Variants in WASHC4 observed in about 807,000 individuals in gnomAD.
WASHC4 encodes WASH complex subunit 7.
A neutral mutation model predicts 166.6 loss-of-function variants in WASHC4; 86 were observed. That is an observed-to-expected ratio of 0.52 (90% CI 0.43 to 0.62). The LOEUF is 0.62. WASHC4 is among the 20% of genes least tolerant of loss of function. The probability of loss-of-function intolerance (pLI) is 0.00; values close to 1 mark genes in which losing one functional copy is unlikely to be tolerated. For synonymous variants in WASHC4, 446 were observed against 451.6 expected (o/e 0.99, Z 0.16); for missense variants, 1,262 against 1,382.4 (o/e 0.91, Z 1.38).
intron 13 of WASHC4, among the ~76,000 whole-genome samples, chr12:105,129,510 T>C (rs2135759363): frequency 6.6e-6 from 1 of 152,362 alleles, no homozygotes; most frequent in East Asian, 1.9e-4. Context: ...AACCCAGGTA[T>C]ATTCCATGGA....
intron 26 of WASHC4, 71 bp downstream of exon 26, chr12:105,152,522 C>T: frequency 1.1e-6 from 1 of 883,306 alleles, no homozygotes; most frequent in Non-Finnish European, 1.9e-6. Flanking sequence ...TTAACTATTT[C>T]ACACTAATAA....
At chr12:105,133,920 A>G (rs765609023) in intron 14 of WASHC4, 24 bp downstream of exon 14, 2 of 1,605,840 alleles carry the variant, frequency 1.2e-6, no homozygotes, top group Non-Finnish European at 1.7e-6. Context: ...ATTTCGGGGA[A>G]TCATTTTTTT....
At chr12:105,156,001 G>A (rs1159042375) in intron 26 of WASHC4, among the ~76,000 whole-genome samples, 2 of 152,180 alleles carry the variant, frequency 1.3e-5, no homozygotes, top group Non-Finnish European at 2.9e-5. Context: ...GCCAAGAGCT[G>A]GTGATGGATT....
At position 105,168,613 on chromosome 12, in the gene WASHC4, GTAAAT is replaced by G. The variant is rs1884928323; in HGVS notation, c.*1686_*1690del. On this transcript the variant is annotated 3_prime_UTR_variant, in exon 33 of 33. Coordinates refer to ENST00000332180, the MANE Select transcript of WASHC4 (RefSeq NM_015275.3). ...TTCTGTGTTCATTATCCCTACACATGTAAATTAATTATTTTATCAATACTAGATAG... is the reference window on the plus strand; with the variant it reads ...TTCTGTGTTCATTATCCCTACACATGTAATTATTTTATCAATACTAGATAG... 6.6e-6 allele frequency: 1 copy of G among 151,928 alleles called. No homozygotes were observed. Among genetic ancestry groups the G allele is most frequent in the Admixed American group, 6.6e-5 (1 of 15,246 alleles). The allele number at this position is 151,928 out of a possible 1,614,324, so 9.4% of individuals were successfully genotyped here. A position where few individuals can be genotyped will look rare whatever the true frequency, so the allele number is the denominator to read the frequency against.
intron 30 of WASHC4, among the ~76,000 whole-genome samples, chr12:105,163,079 C>G (rs575225998): frequency 1.3e-5 from 2 of 152,180 alleles, no homozygotes; most frequent in African/African-American, 2.4e-5. Flanking sequence ...GCCTCAGCCT[C>G]CCGAGTAGCT....
intron 6 of WASHC4, among the ~76,000 whole-genome samples, chr12:105,116,798 C>G (rs757227961): frequency 6.6e-6 from 1 of 152,050 alleles, no homozygotes; most frequent in Non-Finnish European, 1.5e-5. Context: ...AGTTGGAGGA[C>G]AAAGAAAATA....
intron 26 of WASHC4, among the ~76,000 whole-genome samples, chr12:105,154,407 A>C (rs1156675528): frequency 6.6e-6 from 1 of 152,194 alleles, no homozygotes; most frequent in Non-Finnish European, 1.5e-5. Flanking sequence ...AAAAGGTGTA[A>C]AGAATCTGGG....
intron 10 of WASHC4, among the ~76,000 whole-genome samples, chr12:105,122,596 A>G (rs751951242): frequency 1.6e-4 from 24 of 151,924 alleles, no homozygotes; most frequent in Non-Finnish European, 2.9e-4. Context: ...GTTTGTGGCA[A>G]TCCTGCATCA....
At position 105,114,443 on chromosome 12, in the gene WASHC4, CT is replaced by C; in HGVS notation, c.321+18del. 1 of 1,518,404 alleles carries C rather than the reference CT, an allele frequency of 6.6e-7. No individual in the cohort carries two copies. The highest frequency in any genetic ancestry group is 9.0e-7 in the Non-Finnish European group (1 of 1,108,498). 94.1% of individuals were successfully genotyped at this position (1,518,404 alleles called of 1,614,324 possible). ...AAAATATGAGGTAATTATTTGAATT[CT>C]TGTCTTAAAACTTTAAAAACATCAT... On this transcript the variant is annotated intron_variant, in intron 4 of 32. Transcript: ENST00000332180.
intron 21 of WASHC4, 37 bp downstream of exon 21, chr12:105,144,492 C>CTTTT: frequency 7.5e-6 from 10 of 1,338,700 alleles, no homozygotes; most frequent in African/African-American, 3.2e-5. Flanking sequence ...GTCATATTCT[C>CTTTT]TTTTTTTTTT....
At chr12:105,164,394 A>C (rs1263145825) in intron 31 of WASHC4, 87 bp downstream of exon 31, 1 of 1,161,576 alleles carries the variant, frequency 8.6e-7, no homozygotes, top group Non-Finnish European at 1.3e-6. Context: ...GAAGCCATAT[A>C]GAAACTACCA....
At position 105,133,771 on chromosome 12, in the gene WASHC4, G is replaced by A; in HGVS notation, c.1201G>A (p.Asp401Asn). 1 of 1,612,052 alleles carries A rather than the reference G, an allele frequency of 6.2e-7. No individual in the cohort carries two copies. The highest frequency in any genetic ancestry group is 8.5e-7 in the Non-Finnish European group (1 of 1,178,644). ...AACCCCAATATTTTCCTTTGTTAGA[G>A]ATGTACAGTCTTACTACGTCTTTGT... is the stretch of plus-strand genomic sequence containing the variant. ...LQQKAQSLTKDVQSYYVFVSS... is the reference protein window; with the variant it reads ...LQQKAQSLTKNVQSYYVFVSS... The change falls in exon 14 of 33, where the codon GAT becomes AAT. Residue 401 changes from aspartate to asparagine, a missense_variant and splice_region_variant. Coordinates refer to ENST00000332180, the MANE Select transcript of WASHC4 (RefSeq NM_015275.3).
chr12:105,146,548 T>TC, intron 23 of WASHC4, 22 bp downstream of exon 23: 1 of 1,486,174 alleles, frequency 6.7e-7, no homozygotes, highest in Non-Finnish European at 9.4e-7. Flanking sequence ...TTATAAATTT[T>TC]TTTTTTTTAA....
intron 14 of WASHC4, among the ~76,000 whole-genome samples, chr12:105,134,963 A>G (rs906764309): frequency 1.3e-5 from 2 of 151,108 alleles, no homozygotes; most frequent in African/African-American, 4.9e-5. Context: ...TTAATTCTAT[A>G]TTATTTTATT....
intron 6 of WASHC4, 58 bp from the exon 7 acceptor site, chr12:105,118,388 A>T (rs1367457192): frequency 8.2e-7 from 1 of 1,218,638 alleles, no homozygotes; most frequent in African/African-American, 1.5e-5. Flanking sequence ...AAAATTCAGT[A>T]AAAAATGGTG....
At chr12:105,158,450 C>T (rs540840168) in intron 28 of WASHC4, among the ~76,000 whole-genome samples, 2 of 152,238 alleles carry the variant, frequency 1.3e-5, no homozygotes, top group East Asian at 3.9e-4. Context: ...AGTTTGTATT[C>T]TTGCCAGAAA....
At chr12:105,140,146 C>T (rs541017578) in intron 15 of WASHC4, 148 bp from the exon 16 acceptor site, 258 of 635,290 alleles carry the variant, frequency 4.1e-4, no homozygotes, top group South Asian at 3.2e-3. Flanking sequence ...GCTGGGATTA[C>T]AGGCGTGAGC....
chr12:105,118,875 CT>C (rs1187187283), intron 7 of WASHC4, among the ~76,000 whole-genome samples: 1 of 152,136 alleles, frequency 6.6e-6, no homozygotes, highest in Non-Finnish European at 1.5e-5. Flanking sequence ...TCACTTGAGA[CT>C]TTTCTTAGAC....
chr12:105,144,492 CTTTTTTT>C, intron 21 of WASHC4, 37 bp downstream of exon 21: 2 of 1,338,738 alleles, frequency 1.5e-6, no homozygotes, highest in South Asian at 1.3e-5. Flanking sequence ...GTCATATTCT[CTTTTTTT>C]TTTTTTTTTA....
Sources: allele counts gnomAD v4.1 joint callset (sites outside exome capture counted in the v4.1 genomes callset), GRCh38; gene constraint gnomAD v4.1.1; transcripts MANE v1.5; gene names NCBI Gene and HGNC (gene_info 2026-07-23, HGNC 2026-07-21).